Variants in ZNF346 observed in about 807,000 individuals in gnomAD.
ZNF346 encodes double-stranded RNA-binding zinc finger protein JAZ.
In ZNF346, 23 loss-of-function variants were observed where a neutral mutation model predicts 33.7. That is an observed-to-expected ratio of 0.68 (90% CI 0.49 to 0.97). The LOEUF (loss-of-function observed/expected upper bound fraction) is 0.97, where lower values mean the gene tolerates loss of function less well. Among genes scored for constraint, ZNF346 ranks in the 50% least tolerant of loss-of-function variants. The pLI is 0.00. For synonymous variants in ZNF346, 134 were observed against 142.4 expected (o/e 0.94, Z 0.42); for missense variants, 340 against 371.1 (o/e 0.92, Z 0.69).
intron 5 of ZNF346, among the ~76,000 whole-genome samples, chr5:177,057,184 C>A (rs113001279): frequency 6.6e-6 from 1 of 151,768 alleles, no homozygotes; most frequent in Non-Finnish European, 1.5e-5. Context: ...TGGTGGTGGG[C>A]GCCTGTAATC....
intron 4 of ZNF346, among the ~76,000 whole-genome samples, chr5:177,046,262 T>G (rs1780028505): frequency 6.8e-6 from 1 of 148,134 alleles, no homozygotes; most frequent in Non-Finnish European, 1.5e-5. Flanking sequence ...GATCGCACCA[T>G]TGTACACCAG....
chr5:177,050,036 C>T (rs1780641836), intron 4 of ZNF346, among the ~76,000 whole-genome samples: 1 of 152,186 alleles, frequency 6.6e-6, no homozygotes, highest in South Asian at 2.1e-4. Context: ...AGGGTTTCAC[C>T]ATGTTGGCCA....
intron 8 of ZNF346, among the ~76,000 whole-genome samples, chr5:177,074,556 G>A (rs1379497652): frequency 6.6e-6 from 1 of 152,234 alleles, no homozygotes; most frequent in East Asian, 1.9e-4. Context: ...ACTAAGGCAG[G>A]AGAATTTCTT....
intron 3 of ZNF346, among the ~76,000 whole-genome samples, chr5:177,044,049 G>T (rs892761321): frequency 6.6e-6 from 1 of 151,832 alleles, no homozygotes; most frequent in Non-Finnish European, 1.5e-5. Context: ...TTTACTGAAT[G>T]ATGTTTTTTT....
rs377703019 is a variant in ZNF346, at chr5:177,051,026, G to T, written c.703+90G>T. 9.0e-5 allele frequency: 90 copies of T among 1,000,958 alleles called. No individual in the cohort carries two copies. In the African/African-American group the frequency reaches 1.3e-3, roughly 15 times the overall value. 62.0% of individuals were successfully genotyped at this position (1,000,958 alleles called of 1,614,324 possible). A position where few individuals can be genotyped will look rare whatever the true frequency, so the allele number is the denominator to read the frequency against. ...GCTGACGTTGTGCTTTTCCTCCTTA[G>T]GTCTTGTAAGTAGGGTTTGCGAACT... On this transcript the variant is annotated intron_variant, in intron 5 of 6. Coordinates refer to ENST00000358149, the MANE Select transcript of ZNF346 (RefSeq NM_012279.4).
At chr5:177,068,790 A>AG (rs1783357624), downstream of ZNF346, among the ~76,000 whole-genome samples, 1 of 142,390 alleles carries the variant, frequency 7.0e-6, no homozygotes, top group Non-Finnish European at 1.5e-5. Context: ...ATGCAGGGGG[A>AG]GGGGGACAAA....
intron 1 of ZNF346, among the ~76,000 whole-genome samples, chr5:177,028,040 CTTTTTTTTTTTTT>C (rs10682528): frequency 3.0e-5 from 1 of 33,502 alleles, no homozygotes; most frequent in Admixed American, 5.2e-4. Context: ...CCTTGTGTCA[CTTTTTTTTTTTTT>C]TTTTTTTTTT....
At chr5:177,079,247 G>C (rs72813140) in intron 8 of ZNF346, 1 of 151,840 alleles carries the variant, frequency 6.6e-6, no homozygotes, top group Non-Finnish European at 1.5e-5. Flanking sequence ...ACTGCAGCCC[G>C]GGCGACAGAG....
downstream of ZNF346, among the ~76,000 whole-genome samples, chr5:177,072,162 A>G (rs1783540383): frequency 6.6e-6 from 1 of 152,246 alleles, no homozygotes; most frequent in South Asian, 2.1e-4. Context: ...CAAAGACTTG[A>G]TTTCACAGGA....
At chr5:177,063,646 A>C (rs1188194654) in intron 6 of ZNF346, among the ~76,000 whole-genome samples, 1 of 152,202 alleles carries the variant, frequency 6.6e-6, no homozygotes, top group African/African-American at 2.4e-5. Flanking sequence ...TCTCTTGCTA[A>C]ACTTTCCAGC....
In ZNF346 at chr5:177,062,079, A is replaced by C. The variant is rs1782617307; in HGVS notation, c.725A>C (p.Lys242Thr). The change falls in exon 6 of 7, where the codon AAA becomes ACA. Residue 242 changes from lysine to threonine, a missense_variant. By Grantham distance (78) the Lys-to-Thr change is moderately conservative. Coordinates refer to ENST00000358149, the MANE Select transcript of ZNF346 (RefSeq NM_012279.4). ...DFPAGKGYPC[K>T]TCKIVLNSIE... The stretch of plus-strand genomic sequence containing the variant: ...TCAGCTGGAAAGGGCTACCCCTGCA[A>C]AACATGTAAGATAGTGCTGAACTCC... The C allele has an allele frequency of 1.9e-6, 3 of 1,613,922 alleles. No individual in the cohort carries two copies. The highest frequency in any genetic ancestry group is 2.5e-6 in the Non-Finnish European group (3 of 1,179,952).
At position 177,028,219 on chromosome 5, in the gene ZNF346, A is replaced by G. The variant is rs564592533; in HGVS notation, c.175+5306A>G. ...GCCCGGCTAACTTTTTTGTATTTTT[A>G]GTAGAGACGGGGTTTCACTGTGTTG... On this transcript the variant is annotated intron_variant, in intron 1 of 6. Transcript: ENST00000358149. Among the ~76,000 whole-genome samples, 11 of 147,712 alleles carry G rather than the reference A, an allele frequency of 7.4e-5. No individual in the cohort carries two copies. The South Asian group carries it at 2.1e-3, about 29-fold the overall frequency.
intron 4 of ZNF346, among the ~76,000 whole-genome samples, chr5:177,049,921 C>A (rs1342502467): frequency 3.3e-5 from 5 of 152,072 alleles, no homozygotes; most frequent in Admixed American, 6.6e-5. Context: ...GCTGCAACCT[C>A]CGCCTCCTGG....
At chr5:177,046,258 A>G (rs111488755) in intron 4 of ZNF346, among the ~76,000 whole-genome samples, 20,914 of 148,840 alleles carry the variant, frequency 0.14, 3,109 homozygotes, top group African/African-American at 0.38. Flanking sequence ...CTGAGATCGC[A>G]CCATTGTACA....
At chr5:177,031,559 G>C (rs1466497354) in intron 1 of ZNF346, among the ~76,000 whole-genome samples, 1 of 152,124 alleles carries the variant, frequency 6.6e-6, no homozygotes, top group South Asian at 2.1e-4. Flanking sequence ...AACAGTTTGT[G>C]ATGTGTCTAG....
chr5:177,064,483 C>A, intron 6 of ZNF346, 29 bp from the exon 7 acceptor site: 1 of 1,581,116 alleles, frequency 6.3e-7, no homozygotes, highest in Non-Finnish European at 8.7e-7. Context: ...ACACACTGAC[C>A]CTCTTCCTTT....
exon 9 of ZNF346, chr5:177,080,122 T>G (rs995947031): frequency 2.0e-5 from 3 of 152,240 alleles, no homozygotes; most frequent in African/African-American, 7.2e-5. Flanking sequence ...AGCTCTAAAC[T>G]CTCTGCCTCC....
chr5:177,038,879 TG>T (rs1554145912), intron 1 of ZNF346, among the ~76,000 whole-genome samples: 1 of 11,362 alleles, frequency 8.8e-5, no homozygotes, highest in Non-Finnish European at 1.6e-3. Flanking sequence ...CTTCTTCTTG[TG>T]TGTGTGTGTG....
chr5:177,039,090 C>A (rs915498236), intron 1 of ZNF346, among the ~76,000 whole-genome samples: 7 of 151,794 alleles, frequency 4.6e-5, no homozygotes, highest in Non-Finnish European at 7.4e-5. Flanking sequence ...GGGGTTTTAC[C>A]ATGTTGGCCA....
Sources: allele counts gnomAD v4.1 joint callset (sites outside exome capture counted in the v4.1 genomes callset), GRCh38; gene constraint gnomAD v4.1.1; transcripts MANE v1.5; gene names NCBI Gene and HGNC (gene_info 2026-07-23, HGNC 2026-07-21).